Variants in ZNF519 observed in about 807,000 individuals in gnomAD.
ZNF519 encodes similar to Zinc finger protein 85 (Zinc finger protein HPF4) (HTF1).
Under a neutral mutation model 7.4 loss-of-function variants are expected in ZNF519, and 7 were observed. The observed-to-expected ratio is 0.94, with a 90% CI of 0.54 to 1.77. The LOEUF is 1.77. Among genes scored for constraint, ZNF519 ranks in the 40% most tolerant of loss-of-function variants. ZNF519 has a pLI of 0.00. For missense variants in ZNF519, 586 were observed against 623.1 expected (o/e 0.94, Z 0.63); for synonymous variants, 179 against 203.3 (o/e 0.88, Z 1.02).
intron 1 of ZNF519, among the ~76,000 whole-genome samples, chr18:14,127,120 G>C (rs1440210868): frequency 1.3e-5 from 2 of 152,172 alleles, no homozygotes; most frequent in Admixed American, 1.3e-4. Flanking sequence ...GCACAGTTGT[G>C]ATTATGGCTC....
intron 2 of ZNF519, among the ~76,000 whole-genome samples, chr18:14,115,634 A>G (rs1489278849): frequency 6.6e-6 from 1 of 152,246 alleles, no homozygotes; most frequent in African/African-American, 2.4e-5. Context: ...TATTCACTGT[A>G]GTATTATTTA....
intron 2 of ZNF519, chr18:14,090,128 T>C (rs2046108136): frequency 6.6e-6 from 1 of 152,182 alleles, no homozygotes; most frequent in African/African-American, 2.4e-5. Flanking sequence ...TGGTCCCTTA[T>C]TTTTATTGAG....
At chr18:14,113,523 T>G (rs981637252) in intron 2 of ZNF519, among the ~76,000 whole-genome samples, 1 of 152,202 alleles carries the variant, frequency 6.6e-6, no homozygotes, top group African/African-American at 2.4e-5. Flanking sequence ...GTCATAGGTG[T>G]GCATCCTTCA....
chr18:14,115,804 A>T (rs1383905734), intron 2 of ZNF519, among the ~76,000 whole-genome samples: 1 of 152,250 alleles, frequency 6.6e-6, no homozygotes, highest in East Asian at 1.9e-4. Context: ...AGGCACAAAA[A>T]GACAAATACT....
intron 2 of ZNF519, among the ~76,000 whole-genome samples, chr18:14,094,035 T>C (rs781204867): frequency 1.7e-4 from 26 of 152,256 alleles, no homozygotes; most frequent in Non-Finnish European, 3.2e-4. Flanking sequence ...TGCATTTATT[T>C]TCTTTTCCTT....
chr18:14,092,287 T>C (rs896946019), intron 2 of ZNF519, among the ~76,000 whole-genome samples: 4 of 152,038 alleles, frequency 2.6e-5, no homozygotes, highest in African/African-American at 9.7e-5. Flanking sequence ...GAAGGGGGTG[T>C]CCTTCATTGG....
chr18:14,084,459 T>C (rs746836188), intron 3 of ZNF519: 15 of 152,178 alleles, frequency 9.9e-5, no homozygotes, highest in Non-Finnish European at 2.1e-4. Context: ...GCTAGTTCTA[T>C]TCCTGTCCTC....
At chr18:14,115,267 A>G (rs568519817) in intron 2 of ZNF519, among the ~76,000 whole-genome samples, 1 of 152,344 alleles carries the variant, frequency 6.6e-6, no homozygotes, top group Admixed American at 6.5e-5. Flanking sequence ...AGAAGTGTGG[A>G]GTATGTGTCC....
In ZNF519 at chr18:14,104,750, C is replaced by A; in HGVS notation, c.*167G>T. 1.5e-6 allele frequency: 1 copy of A among 666,554 alleles called. No homozygotes were observed. The highest frequency in any genetic ancestry group is 1.8e-5 in the African/African-American group (1 of 54,966). 41.3% of individuals were successfully genotyped at this position (666,554 alleles called of 1,614,324 possible). A position where few individuals can be genotyped will look rare whatever the true frequency, so the allele number is the denominator to read the frequency against. On this transcript the variant is annotated 3_prime_UTR_variant, in exon 3 of 3. Transcript: ENST00000590202. The stretch of plus-strand genomic sequence containing the variant: ...GAGTAATTTACGGAAGTGCTAGCAC[C>A]TTAGTTCTTTCTAAAGTGACACTTC...
At chr18:14,125,527 T>C (rs1160498963) in intron 1 of ZNF519, among the ~76,000 whole-genome samples, 1 of 152,164 alleles carries the variant, frequency 6.6e-6, no homozygotes, top group Non-Finnish European at 1.5e-5. Flanking sequence ...ATAAAATGTA[T>C]AGAATAATAG....
downstream of ZNF519, chr18:14,073,594 G>A (rs1437878442): frequency 3.3e-5 from 5 of 152,108 alleles, no homozygotes; most frequent in Non-Finnish European, 7.3e-5. Context: ...TTCAAATTCT[G>A]TGTACAACAA....
At chr18:14,120,428 AAC>A (rs1238924520) in intron 2 of ZNF519, among the ~76,000 whole-genome samples, 1 of 152,152 alleles carries the variant, frequency 6.6e-6, no homozygotes, top group Non-Finnish European at 1.5e-5. Flanking sequence ...TAAGACATAA[AAC>A]CTTAAAACTC....
At chr18:14,098,522 A>G (rs2046146968), downstream of ZNF519, among the ~76,000 whole-genome samples, 1 of 152,116 alleles carries the variant, frequency 6.6e-6, no homozygotes, top group South Asian at 2.1e-4. Flanking sequence ...GCCTCCTGTC[A>G]GGGTGTCTCC....
intron 2 of ZNF519, among the ~76,000 whole-genome samples, chr18:14,119,533 A>C (rs1480702870): frequency 6.6e-6 from 1 of 152,252 alleles, no homozygotes; most frequent in Non-Finnish European, 1.5e-5. Flanking sequence ...ATGATCATAC[A>C]TATGTATATA....
At chr18:14,076,436 G>A (rs980409806) in exon 5 of ZNF519, 6 of 152,104 alleles carry the variant, frequency 3.9e-5, no homozygotes, top group Middle Eastern at 3.4e-3. Context: ...CAAGAAATAG[G>A]GCACAGTGGA....
rs202027336 is a variant in ZNF519, at chr18:14,106,063, C to A, written c.477G>T (p.Gln159His). 1.7e-3 allele frequency: 2,665 copies of A among 1,595,634 alleles called. 2 individuals carry two copies. Among genetic ancestry groups the A allele is most frequent in the Non-Finnish European group, 2.1e-3 (2,479 of 1,172,320 alleles). The change falls in exon 3 of 3, where the codon CAG becomes CAT. Residue 159 changes from glutamine (Q) to histidine (H), a missense_variant. By Grantham distance (24) the Gln-to-His change is conservative. Coordinates refer to ENST00000590202, the MANE Select transcript of ZNF519 (RefSeq NM_145287.4). ...TATTTGAGTCATGGTTAAAATTTAT[C>A]TGATTTTTATTACAAAAGACAGATT... ...FLKSVFCNKN[Q>H]INFNHDSNIS...
intron 2 of ZNF519, among the ~76,000 whole-genome samples, chr18:14,122,963 T>C (rs1411300912): frequency 7.8e-6 from 1 of 128,328 alleles, no homozygotes; most frequent in African/African-American, 3.0e-5. Flanking sequence ...CGGTGTGTGA[T>C]GTTCCCCTTC....
rs372768430 is a variant in ZNF519, at chr18:14,128,293, A to AAAACAAACAAACAAAC, written c.4-3833_4-3818dup. Among the ~76,000 whole-genome samples, 1,273 of 147,890 alleles carry AAAACAAACAAACAAAC rather than the reference A, an allele frequency of 8.6e-3. 16 individuals are homozygous for AAAACAAACAAACAAAC. The highest frequency in any genetic ancestry group is 0.03 in the African/African-American group (1,124 of 38,002). On this transcript the variant is annotated intron_variant, in intron 1 of 2. Transcript: ENST00000590202. ...GGGCGACAGAGCGAGACTCTCTCTC[A>AAAACAAACAAACAAAC]AAACAAACAAACAAACAAACTCTCC...
At chr18:14,096,437 C>G (rs1244280013), downstream of ZNF519, among the ~76,000 whole-genome samples, 1 of 152,202 alleles carries the variant, frequency 6.6e-6, no homozygotes, top group Admixed American at 6.5e-5. Flanking sequence ...TTGCTTCATT[C>G]CCTCGTGTAT....
Sources: gnomAD v4.1 joint callset for allele counts (sites outside exome capture counted in the v4.1 genomes callset) on GRCh38, gnomAD v4.1.1 for gene constraint, MANE v1.5 for transcripts, NCBI Gene and HGNC (gene_info 2026-07-23, HGNC 2026-07-21) for gene names.